The following AMPH variants were observed in gnomAD, a reference collection of about 807,000 sequenced individuals.
The protein encoded by AMPH is amphiphysin (Stiff-Mann syndrome with breast cancer 128kD autoantigen).
A neutral mutation model predicts 99.1 loss-of-function variants in AMPH; 49 were observed. That is an observed-to-expected ratio of 0.49 (90% CI 0.39 to 0.63). The LOEUF is 0.63. AMPH is among the 20% of genes least tolerant of loss of function. AMPH has a pLI of 0.00. For missense variants in AMPH, 759 were observed against 863.4 expected (o/e 0.88, Z 1.52); for synonymous variants, 314 against 317.3 (o/e 0.99, Z 0.11).
chr7:38,601,258 G>A (rs1793237532), intron 1 of AMPH, among the ~76,000 whole-genome samples: 1 of 152,264 alleles, frequency 6.6e-6, no homozygotes, highest in African/African-American at 2.4e-5. Context: ...CAGTTGTCCC[G>A]AGAATTCACT....
intron 1 of AMPH, among the ~76,000 whole-genome samples, chr7:38,620,544 TACATACACACACACAC>T (rs1175607576): frequency 1.8e-5 from 2 of 111,146 alleles, no homozygotes; most frequent in Non-Finnish European, 3.8e-5. Flanking sequence ...TATATATACA[TACATACACACACACAC>T]ACACACACAC....
Position 38,430,237 on chromosome 7 carries a change from C to T in AMPH, c.1159-372G>A, listed in dbSNP as rs543910618. The stretch of plus-strand genomic sequence containing the variant: ...GAGGTCAAGAAATTACACAGTAGCA[C>T]ACACTTTGACACAGTATCAGAAGAA... On this transcript the variant is annotated intron_variant, in intron 13 of 20. Transcript: ENST00000356264. Among the ~76,000 whole-genome samples, 4 of 152,306 alleles carry T rather than the reference C, an allele frequency of 2.6e-5. No homozygotes were observed. In the East Asian group the frequency reaches 5.8e-4, roughly 22 times the overall value.
chr7:38,608,717 AG>A (rs1243133445), intron 1 of AMPH, among the ~76,000 whole-genome samples: 2 of 152,236 alleles, frequency 1.3e-5, no homozygotes, highest in Non-Finnish European at 2.9e-5. Context: ...TGATGGTGGA[AG>A]GCCTGGCCCC....
intron 5 of AMPH, among the ~76,000 whole-genome samples, chr7:38,477,280 A>G (rs1360131482): frequency 6.6e-6 from 1 of 152,072 alleles, no homozygotes. Context: ...AGAAGGCAAA[A>G]CTATACTCAT....
chr7:38,614,101 T>C (rs954531381), intron 1 of AMPH, among the ~76,000 whole-genome samples: 2 of 152,218 alleles, frequency 1.3e-5, no homozygotes, highest in Non-Finnish European at 2.9e-5. Context: ...AAGTTTTCTA[T>C]GCACCTTCTG....
intron 9 of AMPH, chr7:38,464,191 A>T: frequency 8.4e-7 from 1 of 1,187,078 alleles, no homozygotes; most frequent in South Asian, 1.3e-5. Flanking sequence ...GCAACATTAC[A>T]ATTTTCAGAT....
chr7:38,498,252 C>T (rs749703009), intron 3 of AMPH, among the ~76,000 whole-genome samples: 11 of 152,272 alleles, frequency 7.2e-5, no homozygotes, highest in Middle Eastern at 3.4e-3. Flanking sequence ...CACTGCCCTT[C>T]CCTGGATTAG....
intron 1 of AMPH, among the ~76,000 whole-genome samples, chr7:38,622,127 T>C (rs1794092725): frequency 6.6e-6 from 1 of 152,178 alleles, no homozygotes; most frequent in Admixed American, 6.5e-5. Context: ...ACTGAGAATG[T>C]AGGAAAAATT....
rs1793584798 is a variant in AMPH at position 38,610,247 on chromosome 7, A to AGGAAG, written c.69+21035_69+21036insCTTCC. Among the ~76,000 whole-genome samples the AGGAAG allele has an allele frequency of 6.0e-4, 11 of 18,258 alleles. 2 individuals carry two copies. The highest frequency in any genetic ancestry group is 1.2e-3 in the Non-Finnish European group (10 of 8,182). 12.0% of individuals were successfully genotyped at this position (18,258 alleles called of 152,430 possible). A position where few individuals can be genotyped will look rare whatever the true frequency, so the allele number is the denominator to read the frequency against. On this transcript the variant is annotated intron_variant, in intron 1 of 20. Coordinates refer to ENST00000356264, the MANE Select transcript of AMPH (RefSeq NM_001635.4). ...GCTAAGCTCTCTCAAAAAAAAAAAA[A>AGGAAG]AAAAAAAAAAAAAAAAGAAAGAAAG...
At chr7:38,602,153 A>G (rs941415050) in intron 1 of AMPH, among the ~76,000 whole-genome samples, 2 of 152,346 alleles carry the variant, frequency 1.3e-5, no homozygotes, top group African/African-American at 4.8e-5. Context: ...AACAGTGGGC[A>G]GCACCACAGA....
At chr7:38,627,387 C>CAAAAA (rs70977419) in intron 1 of AMPH, among the ~76,000 whole-genome samples, 18 of 116,934 alleles carry the variant, frequency 1.5e-4, no homozygotes, top group African/African-American at 5.2e-4. Context: ...ACTAAAAATA[C>CAAAAA]AAAAAAAAAA....
chr7:38,422,627 A>G, intron 15 of AMPH, 150 bp from the exon 16 acceptor site: 1 of 659,850 alleles, frequency 1.5e-6, no homozygotes, highest in Non-Finnish European at 2.5e-6. Flanking sequence ...CACTCTATCT[A>G]TCTAATTTTT....
At chr7:38,537,804 G>A (rs1156591384) in intron 1 of AMPH, among the ~76,000 whole-genome samples, 1 of 152,152 alleles carries the variant, frequency 6.6e-6, no homozygotes, top group Non-Finnish European at 1.5e-5. Context: ...TGGACAAGTT[G>A]GTAAACGCAC....
At chr7:38,477,784 T>C (rs1018129665) in intron 5 of AMPH, among the ~76,000 whole-genome samples, 83 of 152,026 alleles carry the variant, frequency 5.5e-4, no homozygotes, top group Non-Finnish European at 1.9e-4. Context: ...CAAGCAAAGA[T>C]CTACTGCTTC....
intron 2 of AMPH, among the ~76,000 whole-genome samples, chr7:38,526,022 A>G (rs1050761403): frequency 2.0e-5 from 3 of 152,208 alleles, no homozygotes; most frequent in Admixed American, 2.0e-4. Context: ...AGAAATAGCC[A>G]AACTGTTTCC....
intron 14 of AMPH, chr7:38,429,343 A>G: frequency 7.8e-7 from 1 of 1,289,402 alleles, no homozygotes; most frequent in Non-Finnish European, 1.0e-6. Context: ...CAGTCAGCAG[A>G]CGAAAGCAGG....
intron 2 of AMPH, among the ~76,000 whole-genome samples, chr7:38,528,142 T>C (rs1031145471): frequency 1.3e-5 from 2 of 152,204 alleles, no homozygotes; most frequent in African/African-American, 4.8e-5. Context: ...TTAGATTTCA[T>C]TTGCTGATAT....
intron 1 of AMPH, among the ~76,000 whole-genome samples, chr7:38,606,361 A>T (rs1030755154): frequency 2.6e-5 from 4 of 152,146 alleles, no homozygotes; most frequent in African/African-American, 9.7e-5. Context: ...CCCTGTATTC[A>T]TTAGGCAGTG....
chr7:38,600,697 C>A (rs780587772), intron 1 of AMPH, among the ~76,000 whole-genome samples: 1 of 152,094 alleles, frequency 6.6e-6, no homozygotes, highest in Non-Finnish European at 1.5e-5. Flanking sequence ...ATCCTTGCAC[C>A]GAAGAGACAA....
Sources: gnomAD v4.1 joint callset for allele counts (sites outside exome capture counted in the v4.1 genomes callset) on GRCh38, gnomAD v4.1.1 for gene constraint, MANE v1.5 for transcripts, NCBI Gene and HGNC (gene_info 2026-07-23, HGNC 2026-07-21) for gene names.